Variants in HDAC9 observed in about 807,000 individuals in gnomAD.
The protein encoded by HDAC9 is MEF-2 interacting transcription repressor (MITR) protein.
Under a neutral mutation model 139.4 loss-of-function variants are expected in HDAC9, and 41 were observed. The observed-to-expected ratio is 0.29, with a 90% CI of 0.23 to 0.38. The LOEUF is 0.38. Among genes scored for constraint, HDAC9 ranks in the 10% least tolerant of loss-of-function variants. The probability of loss-of-function intolerance (pLI) is 1.00; values close to 1 mark genes in which losing one functional copy is unlikely to be tolerated. For missense variants in HDAC9, 1,147 were observed against 1,297.0 expected (o/e 0.88, Z 1.78); for synonymous variants, 517 against 476.2 (o/e 1.09, Z -1.12).
chr7:18,619,583 A>T (rs1839651359), intron 6 of HDAC9, among the ~76,000 whole-genome samples: 1 of 152,182 alleles, frequency 6.6e-6, no homozygotes, highest in African/African-American at 2.4e-5. Context: ...GAAGTAGCTC[A>T]TAAGATCTGT....
intron 21 of HDAC9, among the ~76,000 whole-genome samples, chr7:18,843,862 A>G (rs1029760787): frequency 6.6e-6 from 1 of 152,190 alleles, no homozygotes; most frequent in Admixed American, 6.6e-5. Context: ...TAAAATTTAC[A>G]TATTGACTTT....
intron 6 of HDAC9, among the ~76,000 whole-genome samples, chr7:18,616,012 C>T (rs1016407520): frequency 2.0e-5 from 3 of 152,116 alleles, no homozygotes; most frequent in African/African-American, 2.4e-5. Context: ...TTCTGGCTTC[C>T]GGAGGCTGCC....
intron 2 of HDAC9, among the ~76,000 whole-genome samples, chr7:18,231,082 C>A (rs1321570520): frequency 6.6e-6 from 1 of 152,204 alleles, no homozygotes; most frequent in Non-Finnish European, 1.5e-5. Context: ...GAACTGCTGG[C>A]AGACAACCCT....
chr7:18,798,238 A>G (rs1033203535), intron 17 of HDAC9, among the ~76,000 whole-genome samples: 1 of 152,174 alleles, frequency 6.6e-6, no homozygotes, highest in African/African-American at 2.4e-5. Flanking sequence ...TTTTACCACA[A>G]TGACATCAGC....
intron 1 of HDAC9, among the ~76,000 whole-genome samples, chr7:18,314,040 G>C (rs1309433111): frequency 6.6e-6 from 1 of 152,164 alleles, no homozygotes; most frequent in African/African-American, 2.4e-5. Context: ...TAGATGGCCA[G>C]CTTCCAAGCA....
At chr7:18,906,128 C>CT (rs561688314) in intron 22 of HDAC9, among the ~76,000 whole-genome samples, 1,739 of 144,130 alleles carry the variant, frequency 0.012, 42 homozygotes, top group African/African-American at 0.042. Flanking sequence ...TGTCTTTTTC[C>CT]TTTTTTTTTT....
intron 8 of HDAC9, among the ~76,000 whole-genome samples, chr7:18,634,987 T>C (rs559038310): frequency 1.3e-5 from 2 of 152,200 alleles, no homozygotes; most frequent in Admixed American, 1.3e-4. Flanking sequence ...AATTTTTTTC[T>C]TACAGATTTT....
chr7:18,720,615 A>C (rs1421567289), intron 12 of HDAC9, among the ~76,000 whole-genome samples: 1 of 150,338 alleles, frequency 6.7e-6, no homozygotes, highest in African/African-American at 2.5e-5. Context: ...AAATTCACAT[A>C]CTTTACCTTA....
At chr7:18,880,159 A>G (rs1799624260) in intron 22 of HDAC9, among the ~76,000 whole-genome samples, 1 of 152,164 alleles carries the variant, frequency 6.6e-6, no homozygotes, top group Admixed American at 6.6e-5. Context: ...AAAAAATAAC[A>G]GGTGCTGGCA....
At chr7:18,364,354 T>A (rs1040626721) in intron 1 of HDAC9, among the ~76,000 whole-genome samples, 2 of 151,988 alleles carry the variant, frequency 1.3e-5, no homozygotes, top group African/African-American at 2.4e-5. Context: ...CACCGGCATA[T>A]GATAAATGCT....
At chr7:18,742,213 G>C (rs1584955019) in intron 13 of HDAC9, among the ~76,000 whole-genome samples, 1 of 152,156 alleles carries the variant, frequency 6.6e-6, no homozygotes, top group Non-Finnish European at 1.5e-5. Flanking sequence ...GAAATGTTTT[G>C]TGAAAGGAAG....
intron 1 of HDAC9, among the ~76,000 whole-genome samples, chr7:18,337,584 G>A (rs2128656330): frequency 6.6e-6 from 1 of 151,804 alleles, no homozygotes; most frequent in African/African-American, 2.4e-5. Context: ...TTCCTTGCAA[G>A]GGCACTTGCT....
intron 2 of HDAC9, among the ~76,000 whole-genome samples, chr7:18,219,290 A>T (rs916589499): frequency 6.6e-6 from 1 of 152,112 alleles, no homozygotes; most frequent in African/African-American, 2.4e-5. Flanking sequence ...TTCTTTCAAA[A>T]TTTATTTCAC....
At chr7:18,186,060 G>C (rs1439472449) in intron 2 of HDAC9, among the ~76,000 whole-genome samples, 1 of 152,162 alleles carries the variant, frequency 6.6e-6, no homozygotes, top group Non-Finnish European at 1.5e-5. Context: ...AAACACTATG[G>C]AGTAAGGACT....
At chr7:18,660,367 A>G (rs1792728790) in intron 11 of HDAC9, among the ~76,000 whole-genome samples, 1 of 152,154 alleles carries the variant, frequency 6.6e-6, no homozygotes, top group South Asian at 2.1e-4. Context: ...AGCATATTTT[A>G]TTCCAGAGAA....
intron 12 of HDAC9, among the ~76,000 whole-genome samples, chr7:18,670,178 A>G (rs1234857700): frequency 2.0e-5 from 3 of 151,978 alleles, no homozygotes; most frequent in East Asian, 1.9e-4. Context: ...GAGGTCTCCA[A>G]TTGTAACTGA....
intron 3 of HDAC9, among the ~76,000 whole-genome samples, chr7:18,589,259 C>G (rs931059556): frequency 6.6e-6 from 1 of 152,114 alleles, no homozygotes; most frequent in Non-Finnish European, 1.5e-5. Context: ...GGCAAGGTGG[C>G]TCACACCCGT....
At chr7:18,859,868 ATGAG>A (rs1797982202) in intron 21 of HDAC9, among the ~76,000 whole-genome samples, 1 of 95,564 alleles carries the variant, frequency 1.0e-5, no homozygotes, top group African/African-American at 3.6e-5. Context: ...ATGTGAGAGA[ATGAG>A]AGAGAGAGAA....
intron 1 of HDAC9, among the ~76,000 whole-genome samples, chr7:18,099,105 C>T (rs1038270295): frequency 6.6e-6 from 1 of 151,996 alleles, no homozygotes; most frequent in African/African-American, 2.4e-5. Flanking sequence ...TTAAAAGTTA[C>T]CTACATTAAA....
Sources: allele counts gnomAD v4.1 joint callset (sites outside exome capture counted in the v4.1 genomes callset), GRCh38; gene constraint gnomAD v4.1.1; transcripts MANE v1.5; gene names NCBI Gene and HGNC (gene_info 2026-07-23, HGNC 2026-07-21).